The following MAPK10 variants were observed in gnomAD, a reference collection of about 807,000 sequenced individuals.
MAPK10 encodes the protein JNK3 alpha protein kinase.
A neutral mutation model predicts 59.3 loss-of-function variants in MAPK10; 25 were observed. The ratio of observed to expected loss-of-function variants is 0.42; its 90% CI spans 0.31 to 0.59. The LOEUF is 0.59. MAPK10 is among the 20% of genes least tolerant of loss of function. MAPK10 has a pLI of 0.15. For missense variants in MAPK10, 351 were observed against 568.9 expected, an observed-to-expected ratio of 0.62 and a Z score of 3.90; for synonymous variants, 190 against 200.5, an observed-to-expected ratio of 0.95 and a Z score of 0.44.
chr4:86,416,379 A>C (rs1745865941), intron 1 of MAPK10, among the ~76,000 whole-genome samples: 1 of 152,262 alleles, frequency 6.6e-6, no homozygotes, highest in Non-Finnish European at 1.5e-5. Context: ...GCAGACTGAC[A>C]CAAGAACCCT....
At chr4:86,215,719 G>A (rs773096914) in intron 2 of MAPK10, among the ~76,000 whole-genome samples, 38 of 151,964 alleles carry the variant, frequency 2.5e-4, no homozygotes, top group Admixed American at 3.3e-4. Flanking sequence ...AAAATTAGCC[G>A]GGCGTTGTGG....
At chr4:86,180,649 A>G (rs1452232511) in intron 3 of MAPK10, among the ~76,000 whole-genome samples, 2 of 152,064 alleles carry the variant, frequency 1.3e-5, no homozygotes, top group African/African-American at 2.4e-5. Flanking sequence ...TATACACTCA[A>G]TGGAATACTA....
chr4:86,578,688 T>C (rs1416374622), intron 1 of MAPK10, among the ~76,000 whole-genome samples: 3 of 152,156 alleles, frequency 2.0e-5, no homozygotes, highest in African/African-American at 4.8e-5. Context: ...TTTGAGAGTA[T>C]TTATTAAAAT....
chr4:86,114,685 G>C (rs2058045684), intron 4 of MAPK10, among the ~76,000 whole-genome samples: 1 of 152,216 alleles, frequency 6.6e-6, no homozygotes, highest in Non-Finnish European at 1.5e-5. Flanking sequence ...ACTGTTTAAA[G>C]AACCAGTCTG....
At chr4:86,022,837 C>T (rs1049440171) in intron 13 of MAPK10, among the ~76,000 whole-genome samples, 1 of 152,150 alleles carries the variant, frequency 6.6e-6, no homozygotes, top group African/African-American at 2.4e-5. Flanking sequence ...AATCTGGGTA[C>T]AAGTTACTTA....
intron 1 of MAPK10, among the ~76,000 whole-genome samples, chr4:86,417,107 G>A (rs1383500157): frequency 2.0e-5 from 3 of 152,168 alleles, no homozygotes; most frequent in Non-Finnish European, 4.4e-5. Flanking sequence ...GGTACTCATA[G>A]AATTAGTAAA....
At chr4:86,356,112 GTGCA>G (rs1411729868) in intron 1 of MAPK10, among the ~76,000 whole-genome samples, 3 of 152,104 alleles carry the variant, frequency 2.0e-5, no homozygotes, top group African/African-American at 7.2e-5. Flanking sequence ...GTTTATTACT[GTGCA>G]GGTCACTGCA....
At position 86,252,421 on chromosome 4, in the gene MAPK10, A is replaced by C. The variant is rs1010783242; in HGVS notation, c.-6-58014T>G. 9.4e-5 allele frequency among the ~76,000 whole-genome samples: 11 copies of C among 116,684 alleles called. 1 individual carries two copies. Among genetic ancestry groups the C allele is most frequent in the Admixed American group, 2.5e-4 (3 of 12,072 alleles). 76.5% of individuals were successfully genotyped at this position (116,684 alleles called of 152,430 possible). On this transcript the variant is annotated intron_variant, in intron 2 of 13. Coordinates refer to ENST00000641462, the MANE Select transcript of MAPK10 (RefSeq NM_138982.4). ...GCCAGTTTTCCCAGCACCATTTATT[A>C]AATAGGGAATCCTTTCCCCATTGCT...
chr4:86,243,288 G>C (rs1045402497), intron 2 of MAPK10, among the ~76,000 whole-genome samples: 1 of 152,168 alleles, frequency 6.6e-6, no homozygotes, highest in African/African-American at 2.4e-5. Context: ...TTGAGTTTGA[G>C]GTGCCTAGAA....
chr4:86,095,028 T>C (rs1266866740), intron 9 of MAPK10: 2 of 151,928 alleles, frequency 1.3e-5, no homozygotes, highest in African/African-American at 4.8e-5. Flanking sequence ...TGTATGATAG[T>C]GTATGCATAA....
chr4:86,585,842 C>T (rs979553977), intron 1 of MAPK10, among the ~76,000 whole-genome samples: 1 of 152,092 alleles, frequency 6.6e-6, no homozygotes, highest in Admixed American at 6.6e-5. Flanking sequence ...TCAAGACAAT[C>T]GACTTAAAAA....
At chr4:86,120,941 A>T (rs984858298) in intron 4 of MAPK10, among the ~76,000 whole-genome samples, 3 of 152,152 alleles carry the variant, frequency 2.0e-5, no homozygotes, top group South Asian at 4.1e-4. Context: ...TTGCAATAAA[A>T]CCCTTCCGAC....
intron 1 of MAPK10, among the ~76,000 whole-genome samples, chr4:86,504,198 C>T (rs1755549531): frequency 1.3e-5 from 2 of 152,044 alleles, no homozygotes; most frequent in African/African-American, 4.8e-5. Flanking sequence ...GTCTTAGTTT[C>T]TTTTACAACT....
intron 3 of MAPK10, among the ~76,000 whole-genome samples, chr4:86,183,390 T>C (rs1416486063): frequency 6.6e-6 from 1 of 150,842 alleles, no homozygotes; most frequent in Non-Finnish European, 1.5e-5. Context: ...ACATGCAGTG[T>C]TTGGTTTTTT....
chr4:86,322,848 C>A (rs1412255406), intron 2 of MAPK10, among the ~76,000 whole-genome samples: 1 of 152,174 alleles, frequency 6.6e-6, no homozygotes, highest in African/African-American at 2.4e-5. Context: ...AAAAATGTTA[C>A]TTTTCAGATA....
chr4:86,216,847 G>C (rs1337902993), intron 2 of MAPK10, among the ~76,000 whole-genome samples: 1 of 151,966 alleles, frequency 6.6e-6, no homozygotes, highest in East Asian at 1.9e-4. Context: ...AGAAAATATA[G>C]ATAGAAATAT....
intron 3 of MAPK10, among the ~76,000 whole-genome samples, chr4:86,188,820 T>TG (rs1326266892): frequency 2.0e-5 from 3 of 152,192 alleles, no homozygotes; most frequent in African/African-American, 7.2e-5. Context: ...TCTTTGCCCA[T>TG]GCCTATGTCC....
At chr4:86,441,050 G>A (rs989774195) in intron 1 of MAPK10, among the ~76,000 whole-genome samples, 39 of 152,158 alleles carry the variant, frequency 2.6e-4, no homozygotes, top group African/African-American at 8.9e-4. Context: ...AATGTGTTTG[G>A]TGTAGATTAA....
chr4:86,412,215 T>C (rs369917090), intron 1 of MAPK10, among the ~76,000 whole-genome samples: 1 of 152,234 alleles, frequency 6.6e-6, no homozygotes, highest in Admixed American at 6.5e-5. Flanking sequence ...TTTAAGAATG[T>C]TGAATATTGG....
Sources: allele counts gnomAD v4.1 joint callset (sites outside exome capture counted in the v4.1 genomes callset), GRCh38; gene constraint gnomAD v4.1.1; transcripts MANE v1.5; gene names NCBI Gene and HGNC (gene_info 2026-07-23, HGNC 2026-07-21).